The following QTGAL variants were observed in gnomAD, a reference collection of about 807,000 sequenced individuals.
The protein encoded by QTGAL is BGnT-like protein 1.
At chr17:83,025,042 C>G in the QTGAL span, among the ~76,000 whole-genome samples, 3 of 152,160 alleles carry the variant, frequency 2.0e-5, no homozygotes, top group Non-Finnish European at 4.4e-5. Flanking sequence ...CCTCGCTGGC[C>G]AAATCACAGA....
At chr17:82,970,377 C>A in the QTGAL span, among the ~76,000 whole-genome samples, 3 of 152,264 alleles carry the variant, frequency 2.0e-5, no homozygotes, top group African/African-American at 7.2e-5. Flanking sequence ...ACAAAGCAAC[C>A]ATTTAGCTTC....
the QTGAL span, chr17:82,942,327 A>G: frequency 6.9e-7 from 1 of 1,444,782 alleles, no homozygotes; most frequent in Non-Finnish European, 9.6e-7. Flanking sequence ...GAAACGGCAC[A>G]AATGGTTTCC....
the QTGAL span, among the ~76,000 whole-genome samples, chr17:83,026,944 C>T: frequency 2.1e-5 from 3 of 144,764 alleles, no homozygotes; most frequent in African/African-American, 5.1e-5. Context: ...AACCCACCCT[C>T]GACAGACACA....
chr17:82,951,040 C>A, the QTGAL span, among the ~76,000 whole-genome samples: 2 of 152,316 alleles, frequency 1.3e-5, no homozygotes, highest in East Asian at 3.9e-4. Context: ...CAGATCTTGG[C>A]AGTGACCTTA....
chr17:83,019,622 C>T, the QTGAL span, among the ~76,000 whole-genome samples: 1 of 152,144 alleles, frequency 6.6e-6, no homozygotes, highest in Non-Finnish European at 1.5e-5. Context: ...GGCTGCACAG[C>T]AATGTGACTG....
the QTGAL span, chr17:83,014,385 C>A: frequency 1.3e-6 from 2 of 1,544,994 alleles, no homozygotes; most frequent in Non-Finnish European, 8.9e-7. Context: ...TAGGAAAACT[C>A]TTTATTTAAA....
chr17:82,943,835 GTCT>G, the QTGAL span: 1 of 152,280 alleles, frequency 6.6e-6, no homozygotes, highest in East Asian at 1.9e-4. Context: ...TGTAATAGGG[GTCT>G]CCTCCTCCTT....
chr17:82,994,612 C>T, the QTGAL span, among the ~76,000 whole-genome samples: 1 of 152,062 alleles, frequency 6.6e-6, no homozygotes, highest in East Asian at 1.9e-4. Context: ...CTGAAATCTA[C>T]CAAACATTTA....
At chr17:82,952,618 C>T in the QTGAL span, among the ~76,000 whole-genome samples, 1 of 152,136 alleles carries the variant, frequency 6.6e-6, no homozygotes, top group East Asian at 1.9e-4. Flanking sequence ...TAATGGGAGA[C>T]TTTAACACCC....
the QTGAL span, among the ~76,000 whole-genome samples, chr17:82,973,238 T>C: frequency 1.6e-4 from 25 of 152,070 alleles, no homozygotes; most frequent in Non-Finnish European, 2.4e-4. Context: ...TGGTGGTCTG[T>C]TAACAGGAGG....
At chr17:83,005,784 A>C in the QTGAL span, 9 of 970,170 alleles carry the variant, frequency 9.3e-6, no homozygotes, top group South Asian at 3.5e-5. The surrounding 1 kb of genome is among the most constrained non-coding windows in gnomAD (Gnocchi z 5.6). Flanking sequence ...AGTAGCCTTG[A>C]CCCCCTCCCG....
At chr17:82,979,463 C>T in the QTGAL span, 3 of 152,204 alleles carry the variant, frequency 2.0e-5, no homozygotes, top group African/African-American at 4.8e-5. Flanking sequence ...TTTAGGTATA[C>T]GTTTCTGTAA....
the QTGAL span, chr17:82,965,741 GA>G: frequency 1.2e-6 from 2 of 1,610,956 alleles, no homozygotes. Context: ...CATTTGAGGT[GA>G]AAACCTAGAA....
At chr17:83,048,571 C>T in the QTGAL span, 1 of 1,613,262 alleles carries the variant, frequency 6.2e-7, no homozygotes, top group Non-Finnish European at 8.5e-7. Flanking sequence ...CAGACTTGTC[C>T]TGAAAGCAGA....
the QTGAL span, among the ~76,000 whole-genome samples, chr17:83,016,549 G>C: frequency 1.7e-5 from 2 of 119,202 alleles, no homozygotes; most frequent in African/African-American, 5.9e-5. Flanking sequence ...AGGGAGGAGG[G>C]AGTAGGGAAG....
chr17:83,035,280 A>C, the QTGAL span, among the ~76,000 whole-genome samples: 4 of 151,818 alleles, frequency 2.6e-5, no homozygotes, highest in Non-Finnish European at 4.4e-5. Flanking sequence ...CCTGGGTCCA[A>C]GCGATTCTCC....
At chr17:82,961,939 G>T in the QTGAL span, among the ~76,000 whole-genome samples, 1 of 151,668 alleles carries the variant, frequency 6.6e-6, no homozygotes, top group Non-Finnish European at 1.5e-5. Flanking sequence ...TGGGCCTTGT[G>T]TGGAGCCGGG....
chr17:83,010,274 C>T, the QTGAL span, among the ~76,000 whole-genome samples: 1 of 152,134 alleles, frequency 6.6e-6, no homozygotes, highest in African/African-American at 2.4e-5. Context: ...TCCTGAGCAG[C>T]GATGTTGAAG....
the QTGAL span, among the ~76,000 whole-genome samples, chr17:83,025,021 T>C: frequency 6.6e-6 from 1 of 152,204 alleles, no homozygotes; most frequent in Non-Finnish European, 1.5e-5. Context: ...TGGAAGCCAG[T>C]CTGAAAGGTC....
Sources: gnomAD v4.1 joint callset for allele counts (sites outside exome capture counted in the v4.1 genomes callset) on GRCh38, gnomAD v4.1.1 for gene constraint, Gnocchi (gnomAD v3.1) non-coding constraint, MANE v1.5 for transcripts, NCBI Gene and HGNC (gene_info 2026-07-23, HGNC 2026-07-21) for gene names.